Variants in CTNNB1 observed in about 807,000 individuals in gnomAD.
The protein encoded by CTNNB1 is catenin beta-1.
CTNNB1 carries 6 observed loss-of-function variants against 82.5 expected under a neutral mutation model. The ratio of observed to expected loss-of-function variants is 0.07; its 90% CI spans 0.04 to 0.14. CTNNB1 has a LOEUF of 0.14. CTNNB1 is among the 10% of genes least tolerant of loss of function. CTNNB1 has a pLI of 1.00. For missense variants in CTNNB1, 529 were observed against 980.4 expected (o/e 0.54, Z 6.15); for synonymous variants, 312 against 329.7 (o/e 0.95, Z 0.58).
intron 10 of CTNNB1, 170 bp from the exon 11 acceptor site, chr3:41,235,554 A>G: frequency 1.3e-6 from 1 of 787,666 alleles, no homozygotes; most frequent in Admixed American, 2.0e-5. Flanking sequence ...TGCTGCCAGG[A>G]GGCCTCTTTT....
At position 41,225,675 on chromosome 3, in the gene CTNNB1, T is replaced by G; in HGVS notation, c.750T>G (p.Ser250=). The part of the protein sequence containing the change: ...LVKMLGSPVD[S]VLFYAITTLH... ...TTCTTCCCAGTTCACCAGTGGATTC[T>G]GTGTTGTTTTATGCCATTACAACTC... The change falls in exon 6 of 15, where the codon TCT becomes TCG. Residue 250 remains serine, a synonymous_variant. Coordinates refer to ENST00000349496, the MANE Select transcript of CTNNB1 (RefSeq NM_001904.4). The surrounding 1 kb of genome is among the most constrained non-coding windows in gnomAD (Gnocchi z 5.3). 1 of 1,614,186 alleles carries G rather than the reference T, an allele frequency of 6.2e-7. No individual in the cohort carries two copies. Among genetic ancestry groups the G allele is most frequent in the Non-Finnish European group, 8.5e-7 (1 of 1,179,996 alleles).
At chr3:41,223,269 GT>G (rs1028964498) in intron 1 of CTNNB1, among the ~76,000 whole-genome samples, 22 of 152,082 alleles carry the variant, frequency 1.4e-4, no homozygotes, top group African/African-American at 5.1e-4. Context: ...GTGTGATGCA[GT>G]TTTTTTCAAT....
At chr3:41,209,517 C>T (rs1322925891) in intron 1 of CTNNB1, among the ~76,000 whole-genome samples, 1 of 152,198 alleles carries the variant, frequency 6.6e-6, no homozygotes, top group Non-Finnish European at 1.5e-5. Context: ...ATTGTCTGTT[C>T]TCCCTTCAGA....
intron 10 of CTNNB1, chr3:41,235,333 C>T (rs2078410060): frequency 4.2e-6 from 1 of 237,902 alleles, no homozygotes; most frequent in Non-Finnish European, 8.4e-6. Flanking sequence ...AAAGTTTTCA[C>T]CAAATACATG....
At chr3:41,212,392 G>C (rs1202785096) in intron 1 of CTNNB1, among the ~76,000 whole-genome samples, 1 of 151,674 alleles carries the variant, frequency 6.6e-6, no homozygotes, top group Non-Finnish European at 1.5e-5. Flanking sequence ...TATGTATATG[G>C]TTCCACTTAT....
In CTNNB1 at chr3:41,225,714, A is replaced by G. The variant is rs2078160006; in HGVS notation, c.789A>G (p.Leu263=). The change falls in exon 6 of 15, where the codon TTA becomes TTG. Residue 263 remains leucine (L), a synonymous_variant. Transcript: ENST00000349496. The surrounding 1 kb of genome is among the most constrained non-coding windows in gnomAD (Gnocchi z 5.3). ...FYAITTLHNL[L]LHQEGAKMAV... ...CCATTACAACTCTCCACAACCTTTT[A>G]TTACATCAAGAAGGAGCTAAAATGG... 4 of 1,614,146 alleles carry G rather than the reference A, an allele frequency of 2.5e-6. No homozygotes were observed. Among genetic ancestry groups the G allele is most frequent in the Non-Finnish European group, 3.4e-6 (4 of 1,180,008 alleles).
At chr3:41,210,201 C>T (rs868180432) in intron 1 of CTNNB1, among the ~76,000 whole-genome samples, 2 of 152,086 alleles carry the variant, frequency 1.3e-5, no homozygotes, top group Non-Finnish European at 2.9e-5. Flanking sequence ...CGCCTGTAAT[C>T]CCAGCACTTT....
Position 41,235,819 on chromosome 3 carries a change from A to C in CTNNB1, c.1779A>C (p.Leu593=), listed in dbSNP as rs1183828909. The change falls in exon 11 of 15, where the codon CTA becomes CTC. Residue 593 remains leucine, a synonymous_variant. Transcript: ENST00000349496. ...DVHNRIVIRG[L]NTIPLFVQLL... Reference sequence around the variant, plus strand: ...ACAACCGAATTGTTATCAGAGGACTAAATACCATTCCATTGTTTGTGCAGG... The same window carrying C: ...ACAACCGAATTGTTATCAGAGGACTCAATACCATTCCATTGTTTGTGCAGG... 1 of 1,614,134 alleles carries C rather than the reference A, an allele frequency of 6.2e-7. No homozygotes were observed. The highest frequency in any genetic ancestry group is 8.5e-7 in the Non-Finnish European group (1 of 1,179,984).
rs2125618278 is a variant in CTNNB1 at position 41,224,735 on chromosome 3, A to T, written c.223A>T (p.Thr75Ser). ...GGAACAGGGATTTTCTCAGTCCTTC[A>T]CTCAAGAACAAGTAGCTGGTAAGAG... Reference protein sequence around the residue: ...EWEQGFSQSFTQEQVADIDGQ... With the variant: ...EWEQGFSQSFSQEQVADIDGQ... Residue 75 changes from threonine to serine, a missense_variant, in exon 3 of 15, where the codon ACT (threonine) becomes TCT (serine). Thr to Ser is a moderately conservative substitution (Grantham distance 58). Coordinates refer to ENST00000349496, the MANE Select transcript of CTNNB1 (RefSeq NM_001904.4). 6.2e-7 allele frequency: 1 copy of T among 1,613,836 alleles called. No individual in the cohort carries two copies. Among genetic ancestry groups the T allele is most frequent in the Non-Finnish European group, 8.5e-7 (1 of 1,179,858 alleles).
At chr3:41,224,313 A>G (rs930252586) in intron 2 of CTNNB1, 16 of 695,738 alleles carry the variant, frequency 2.3e-5, no homozygotes, top group Non-Finnish European at 3.7e-5. Context: ...CCATTCTTCC[A>G]CTGATTCAGT....
intron 1 of CTNNB1, among the ~76,000 whole-genome samples, chr3:41,204,994 C>T (rs1052514566): frequency 6.6e-6 from 1 of 152,182 alleles, no homozygotes; most frequent in Non-Finnish European, 1.5e-5. Flanking sequence ...GGGAAACCCA[C>T]ATTTTTAAAG....
chr3:41,200,894 G>C (rs1056828729), intron 1 of CTNNB1, among the ~76,000 whole-genome samples: 1 of 152,174 alleles, frequency 6.6e-6, no homozygotes, highest in African/African-American at 2.4e-5. Context: ...CACCCCTCGA[G>C]TTTGTGAGTG....
rs4135381 is a variant in CTNNB1 at position 41,234,332 on chromosome 3, A to G, written c.1683+35A>G. 558 of 1,609,784 alleles carry G rather than the reference A, an allele frequency of 3.5e-4. 2 individuals carry two copies. In the African/African-American group the frequency reaches 6.5e-3, roughly 19 times the overall value. On this transcript the variant is annotated intron_variant, in intron 10 of 14. Transcript: ENST00000349496. ...TTCTTACAGTGATACCTGGCTATCT[A>G]AAAGGAATGCATAAATCCAAAGGAT... is the stretch of plus-strand genomic sequence containing the variant.
In CTNNB1 at chr3:41,239,211, A is replaced by G. The variant is rs2125653448; in HGVS notation, c.2215A>G (p.Met739Val). 1.2e-6 allele frequency: 2 copies of G among 1,614,152 alleles called. No individual in the cohort carries two copies. The highest frequency in any genetic ancestry group is 1.7e-6 in the Non-Finnish European group (2 of 1,180,014). The change falls in exon 15 of 15, where the codon ATG becomes GTG. Residue 739 changes from methionine (M) to valine (V), a missense_variant. By Grantham distance (21) the Met-to-Val change is conservative. Coordinates refer to ENST00000349496, the MANE Select transcript of CTNNB1 (RefSeq NM_001904.4). ...TATGGACCCCATGATGGAACATGAG[A>G]TGGGTGGCCACCACCCTGGTGCTGA... is the stretch of plus-strand genomic sequence containing the variant. Reference protein sequence around the residue: ...LGMDPMMEHEMGGHHPGADYP... With the variant: ...LGMDPMMEHEVGGHHPGADYP...
rs2077691711 is a variant in CTNNB1 at position 41,208,115 on chromosome 3, C to T, written c.-49+8445C>T. Among the ~76,000 whole-genome samples, 3 of 152,126 alleles carry T rather than the reference C, an allele frequency of 2.0e-5. No homozygotes were observed. In the South Asian group the frequency reaches 6.2e-4, roughly 32 times the overall value. ...ACTGTCTCTTATTTCTGTCATAATT[C>T]TTGGTGACATCAGTATCTATGTAGA... On this transcript the variant is annotated intron_variant, in intron 1 of 14. Coordinates refer to ENST00000349496, the MANE Select transcript of CTNNB1 (RefSeq NM_001904.4).
At chr3:41,212,945 C>A (rs2077828656) in intron 1 of CTNNB1, among the ~76,000 whole-genome samples, 1 of 152,180 alleles carries the variant, frequency 6.6e-6, no homozygotes, top group African/African-American at 2.4e-5. Context: ...TGGAATATTG[C>A]TATAGCTGCC....
chr3:41,219,988 T>C (rs1236257999), intron 1 of CTNNB1, among the ~76,000 whole-genome samples: 4 of 152,160 alleles, frequency 2.6e-5, no homozygotes, highest in Non-Finnish European at 5.9e-5. Flanking sequence ...TTTTTATTTT[T>C]AAAAATACAT....
intron 6 of CTNNB1, among the ~76,000 whole-genome samples, 163 bp from the exon 7 acceptor site, chr3:41,227,045 G>C (rs965003820): frequency 1.3e-5 from 2 of 152,110 alleles, no homozygotes; most frequent in African/African-American, 4.8e-5. Flanking sequence ...GTTGGATAGG[G>C]CCCCAGTATG....
chr3:41,222,039 G>A (rs2078061267), intron 1 of CTNNB1: 1 of 152,004 alleles, frequency 6.6e-6, no homozygotes, highest in Non-Finnish European at 1.5e-5. Context: ...CTAGTTTCAA[G>A]TTTTATCTCA....
Sources: allele counts gnomAD v4.1 joint callset (sites outside exome capture counted in the v4.1 genomes callset), GRCh38; gene constraint gnomAD v4.1.1; non-coding constraint Gnocchi (gnomAD v3.1); transcripts MANE v1.5; gene names NCBI Gene and HGNC (gene_info 2026-07-23, HGNC 2026-07-21).